Variants in MAPK10 observed in about 807,000 individuals in gnomAD.
The protein encoded by MAPK10 is JNK3 alpha protein kinase.
MAPK10 carries 25 observed loss-of-function variants against 59.3 expected under a neutral mutation model. The ratio of observed to expected loss-of-function variants is 0.42; its 90% confidence interval spans 0.31 to 0.59. The LOEUF is 0.59. Among genes scored for constraint, MAPK10 ranks in the 20% least tolerant of loss-of-function variants. MAPK10 has a pLI of 0.15. For synonymous variants in MAPK10, 190 were observed against 200.5 expected, an observed-to-expected ratio of 0.95 and a Z score of 0.44; for missense variants, 351 against 568.9, an observed-to-expected ratio of 0.62 and a Z score of 3.90.
intron 2 of MAPK10, among the ~76,000 whole-genome samples, chr4:86,317,445 A>T (rs1002989914): frequency 1.3e-5 from 2 of 152,152 alleles, no homozygotes; most frequent in Admixed American, 6.6e-5. Flanking sequence ...GCTCACAATG[A>T]AGTCTTCTTC....
intron 1 of MAPK10, among the ~76,000 whole-genome samples, chr4:86,391,804 C>T (rs1564788163): frequency 6.6e-6 from 1 of 152,180 alleles, no homozygotes; most frequent in Admixed American, 6.5e-5. Flanking sequence ...CTTTTGATTA[C>T]CCAGCATGCA....
intron 1 of MAPK10, among the ~76,000 whole-genome samples, chr4:86,412,155 A>G (rs1745263708): frequency 6.6e-6 from 1 of 152,180 alleles, no homozygotes; most frequent in Admixed American, 6.5e-5. Flanking sequence ...TCCTTCACTT[A>G]TGAAGCTTAG....
chr4:86,143,418 A>G lies in MAPK10; in HGVS notation c.236+15880T>C, dbSNP rs59762684. ...GAATGTGACCCTAGTGGCTTTGGTC[A>G]CATGGACAGAACAACACTGTCAGGA... On this transcript the variant is annotated intron_variant, in intron 4 of 13. Transcript: ENST00000641462. Among the ~76,000 whole-genome samples, 596 of 152,302 alleles carry G rather than the reference A, an allele frequency of 3.9e-3. 5 individuals carry two copies. The highest frequency in any genetic ancestry group is 0.014 in the African/African-American group (573 of 41,560).
At chr4:86,559,038 T>C (rs1760475278) in intron 1 of MAPK10, among the ~76,000 whole-genome samples, 2 of 152,186 alleles carry the variant, frequency 1.3e-5, no homozygotes, top group African/African-American at 4.8e-5. Flanking sequence ...TTACAACTAG[T>C]TTCTCTGCTA....
At chr4:86,037,352 C>T (rs556055197) in intron 11 of MAPK10, among the ~76,000 whole-genome samples, 1 of 152,210 alleles carries the variant, frequency 6.6e-6, no homozygotes, top group East Asian at 1.9e-4. Context: ...AACCCCATCT[C>T]TACTAAAAGT....
chr4:86,469,468 A>T (rs569050667), intron 1 of MAPK10, among the ~76,000 whole-genome samples: 2 of 152,322 alleles, frequency 1.3e-5, no homozygotes, highest in Admixed American at 6.5e-5. Flanking sequence ...GAAACCAGAC[A>T]GCTCCTGGAT....
chr4:86,165,102 T>C (rs903297857), intron 3 of MAPK10, among the ~76,000 whole-genome samples: 2 of 152,212 alleles, frequency 1.3e-5, no homozygotes, highest in Non-Finnish European at 2.9e-5. Context: ...AGTGCACTTG[T>C]GGAAAATTAG....
At chr4:86,318,172 C>A (rs1467506058) in intron 2 of MAPK10, among the ~76,000 whole-genome samples, 2 of 152,154 alleles carry the variant, frequency 1.3e-5, no homozygotes, top group Non-Finnish European at 2.9e-5. Flanking sequence ...AAAATAACAT[C>A]CATAGGTTTC....
chr4:86,097,083 A>G (rs929413982), intron 9 of MAPK10, among the ~76,000 whole-genome samples: 1 of 152,036 alleles, frequency 6.6e-6, no homozygotes, highest in Non-Finnish European at 1.5e-5. Context: ...TATATTCATA[A>G]TGCTATCACC....
chr4:86,210,580 G>A (rs1563140673), intron 2 of MAPK10, among the ~76,000 whole-genome samples: 2 of 151,900 alleles, frequency 1.3e-5, no homozygotes, highest in Non-Finnish European at 2.9e-5. Flanking sequence ...GATGTGATTT[G>A]TATGCATTGC....
chr4:86,456,177 A>C (rs965835952), upstream of MAPK10, among the ~76,000 whole-genome samples: 2 of 152,214 alleles, frequency 1.3e-5, no homozygotes, highest in African/African-American at 4.8e-5. Flanking sequence ...AGGAAAGTTC[A>C]TAGCTCTAAA....
At chr4:86,236,935 G>A (rs1167114542) in intron 2 of MAPK10, among the ~76,000 whole-genome samples, 1 of 152,122 alleles carries the variant, frequency 6.6e-6, no homozygotes, top group Non-Finnish European at 1.5e-5. Context: ...AGGTATACAT[G>A]TGCCATGGTG....
intron 1 of MAPK10, among the ~76,000 whole-genome samples, chr4:86,392,048 T>C (rs1274040386): frequency 6.6e-6 from 1 of 152,102 alleles, no homozygotes; most frequent in Non-Finnish European, 1.5e-5. Flanking sequence ...AGGCTGGAAG[T>C]GGAGTATCTC....
At chr4:86,157,242 G>C (rs568415623) in intron 4 of MAPK10, among the ~76,000 whole-genome samples, 12 of 152,076 alleles carry the variant, frequency 7.9e-5, no homozygotes, top group South Asian at 6.2e-4. Context: ...TTTCAAACAA[G>C]TTAGGAGGAT....
At chr4:86,453,851 CA>C (rs1750999669), upstream of MAPK10, among the ~76,000 whole-genome samples, 1 of 152,116 alleles carries the variant, frequency 6.6e-6, no homozygotes, top group Admixed American at 6.5e-5. Context: ...AGGACCCTCA[CA>C]GAGTCCTTTT....
chr4:86,428,486 T>G (rs554682430), intron 1 of MAPK10, among the ~76,000 whole-genome samples: 157 of 152,276 alleles, frequency 1.0e-3, no homozygotes, highest in Middle Eastern at 3.4e-3. Flanking sequence ...TATATAGGGT[T>G]AAAACAGAGG....
chr4:86,396,668 G>A (rs1264283720), intron 1 of MAPK10, among the ~76,000 whole-genome samples: 3 of 152,324 alleles, frequency 2.0e-5, no homozygotes, highest in East Asian at 3.9e-4. Flanking sequence ...CCGCTTCTGG[G>A]AAGGAGCTTT....
intron 1 of MAPK10, among the ~76,000 whole-genome samples, chr4:86,466,578 AT>A (rs1192913074): frequency 2.6e-5 from 4 of 152,244 alleles, no homozygotes; most frequent in African/African-American, 9.6e-5. Flanking sequence ...AACTAAAAAA[AT>A]AATAAAATTA....
intron 3 of MAPK10, chr4:86,192,454 G>A (rs2080161063): frequency 6.6e-6 from 1 of 152,036 alleles, no homozygotes; most frequent in South Asian, 2.1e-4. Context: ...ATATTTCTTG[G>A]AGGCTTTGTT....
Sources: allele counts gnomAD v4.1 joint callset (sites outside exome capture counted in the v4.1 genomes callset), GRCh38; gene constraint gnomAD v4.1.1; transcripts MANE v1.5; gene names NCBI Gene and HGNC (gene_info 2026-07-23, HGNC 2026-07-21).